FGD6: variants seen among roughly 807,000 people sequenced by gnomAD.
FGD6 encodes the protein FYVE, RhoGEF and PH domain-containing protein 6.
FGD6 carries 90 observed loss-of-function variants against 149.4 expected under a neutral mutation model. The observed-to-expected ratio is 0.60, with a 90% CI of 0.51 to 0.72. FGD6 has a LOEUF of 0.72. FGD6 is among the 30% of genes least tolerant of loss of function. FGD6 has a pLI of 0.00. For missense variants in FGD6, 1,437 were observed against 1,684.8 expected (o/e 0.85, Z 2.57); for synonymous variants, 527 against 584.0 (o/e 0.90, Z 1.41).
At chr12:95,191,621 T>C (rs892196717) in intron 2 of FGD6, among the ~76,000 whole-genome samples, 1 of 152,200 alleles carries the variant, frequency 6.6e-6, no homozygotes, top group African/African-American at 2.4e-5. Context: ...TGTCCCTGGG[T>C]ATCTGTGGGG....
intron 2 of FGD6, among the ~76,000 whole-genome samples, chr12:95,206,274 C>T (rs1254525034): frequency 6.6e-6 from 1 of 151,440 alleles, no homozygotes; most frequent in East Asian, 1.9e-4. Flanking sequence ...GTGAAGAAGC[C>T]AACCAAACTT....
intron 3 of FGD6, among the ~76,000 whole-genome samples, chr12:95,165,342 T>C (rs1026952591): frequency 1.3e-5 from 2 of 151,938 alleles, no homozygotes; most frequent in African/African-American, 2.4e-5. Context: ...TTTTCTTTTT[T>C]TTTTTTTTGA....
At chr12:95,206,261 A>G (rs2056692447) in intron 2 of FGD6, among the ~76,000 whole-genome samples, 2 of 152,270 alleles carry the variant, frequency 1.3e-5, no homozygotes, top group Admixed American at 1.3e-4. Flanking sequence ...ATAGTAGTAC[A>G]TTGTGAAGAA....
chr12:95,142,040 C>G (rs983015597), intron 5 of FGD6, among the ~76,000 whole-genome samples: 6 of 152,092 alleles, frequency 3.9e-5, no homozygotes, highest in African/African-American at 1.4e-4. Context: ...GGGTCTCCCT[C>G]TGTCATCCAG....
rs575678187 is a variant in FGD6, at chr12:95,137,486, A to C, written c.2994+36T>G. 183 of 1,439,204 alleles carry C rather than the reference A, an allele frequency of 1.3e-4. 1 individual carries two copies. In the South Asian group the frequency reaches 2.9e-3, roughly 23 times the overall value. The allele number at this position is 1,439,204 out of a possible 1,614,324, so 89.2% of individuals were successfully genotyped here. A position where few individuals can be genotyped will look rare whatever the true frequency, so the allele number is the denominator to read the frequency against. On this transcript the variant is annotated intron_variant, in intron 7 of 20. Transcript: ENST00000343958. ...TTATTAAAGCTTCAACAACAAAAAG[A>C]AAGAGAAGTGTTCAACATTAGATAG...
At chr12:95,107,852 A>C (rs1878680296) in intron 11 of FGD6, among the ~76,000 whole-genome samples, 1 of 152,106 alleles carries the variant, frequency 6.6e-6, no homozygotes, top group Non-Finnish European at 1.5e-5. Context: ...GGCCCCTGGG[A>C]TACTGTATGG....
At chr12:95,125,737 C>A in intron 8 of FGD6, 1 of 608,280 alleles carries the variant, frequency 1.6e-6, no homozygotes, top group East Asian at 2.8e-5. Context: ...AAAATGAATT[C>A]CTTCTCACCG....
chr12:95,088,496 A>G (rs1877948193), intron 18 of FGD6, among the ~76,000 whole-genome samples: 2 of 152,230 alleles, frequency 1.3e-5, no homozygotes, highest in Admixed American at 1.3e-4. Context: ...TATTTTAAAC[A>G]TTACTAGAAT....
chr12:95,185,139 G>T (rs1881392988), intron 2 of FGD6, among the ~76,000 whole-genome samples: 1 of 152,196 alleles, frequency 6.6e-6, no homozygotes, highest in South Asian at 2.1e-4. Flanking sequence ...CTCCCAAAGT[G>T]CTGGGATTAT....
intron 11 of FGD6, among the ~76,000 whole-genome samples, 154 bp downstream of exon 11, chr12:95,108,194 A>G (rs1878694686): frequency 6.6e-6 from 1 of 152,210 alleles, no homozygotes; most frequent in Non-Finnish European, 1.5e-5. Context: ...TGTCACAGTG[A>G]CTTACATCAT....
intron 9 of FGD6, among the ~76,000 whole-genome samples, chr12:95,110,277 G>GTAT (rs1173991662): frequency 6.7e-6 from 1 of 150,318 alleles, no homozygotes; most frequent in Admixed American, 6.6e-5. Flanking sequence ...CACCCGGCCT[G>GTAT]TATTCTTTCC....
At chr12:95,179,500 C>T (rs1488512064) in intron 2 of FGD6, among the ~76,000 whole-genome samples, 1 of 151,316 alleles carries the variant, frequency 6.6e-6, no homozygotes, top group African/African-American at 2.4e-5. Context: ...AAGACCTTGT[C>T]TCATAAATAA....
At chr12:95,106,024 A>G (rs1448636945) in intron 13 of FGD6, among the ~76,000 whole-genome samples, 1 of 152,168 alleles carries the variant, frequency 6.6e-6, no homozygotes, top group Non-Finnish European at 1.5e-5. Flanking sequence ...AAACAAAACA[A>G]AACAAAACAA....
chr12:95,142,246 A>G (rs1325310179), intron 5 of FGD6, among the ~76,000 whole-genome samples: 1 of 150,138 alleles, frequency 6.7e-6, no homozygotes, highest in Non-Finnish European at 1.5e-5. Context: ...GGTTCAAGCT[A>G]TTCTCCTGCC....
At chr12:95,093,982 A>C (rs1878154861) in intron 15 of FGD6, among the ~76,000 whole-genome samples, 1 of 151,582 alleles carries the variant, frequency 6.6e-6, no homozygotes, top group African/African-American at 2.4e-5. Flanking sequence ...CAACATGGTG[A>C]AACCCCATCT....
chr12:95,152,972 T>G lies in FGD6; in HGVS notation c.2608A>C (p.Ser870Arg). 1 of 1,613,986 alleles carries G rather than the reference T, an allele frequency of 6.2e-7. No individual in the cohort carries two copies. Among genetic ancestry groups the G allele is most frequent in the Non-Finnish European group, 8.5e-7 (1 of 1,179,932 alleles). Residue 870 changes from serine (S) to arginine (R), a missense_variant, in exon 4 of 21, where the codon AGT (serine) becomes CGT (arginine). Ser to Arg is a moderately radical substitution (Grantham distance 110, BLOSUM62 -1). Around this residue, in one of 2 missense-constraint regions of FGD6, gnomAD observed 1,055 missense variants for 1,146.0 expected, o/e 0.92. Transcript: ENST00000343958. ...TCCTTGGCAATATGATGAACTTTAC[T>G]TTTCATTCCATTATCTTCATCCTGT... ...DKQDEDNGMK[S>R]KVHHIAKEIM...
chr12:95,107,095 T>C, intron 12 of FGD6, 58 bp from the exon 13 acceptor site: 1 of 1,252,194 alleles, frequency 8.0e-7, no homozygotes, highest in Non-Finnish European at 1.2e-6. Context: ...GCCACAAAGA[T>C]TTTGACAAGA....
rs903985375 is a variant in FGD6, at chr12:95,080,326, T to C, written c.*1194A>G. The C allele has an allele frequency of 6.6e-6, 1 of 152,216 alleles. No homozygotes were observed. Among genetic ancestry groups the C allele is most frequent in the African/African-American group, 2.4e-5 (1 of 41,458 alleles). The allele number at this position is 152,216 out of a possible 1,614,324, so 9.4% of individuals were successfully genotyped here. On this transcript the variant is annotated 3_prime_UTR_variant, in exon 21 of 21. Transcript: ENST00000343958. ...ACATCAGGGATGGCTTTTATCACAG[T>C]GTTATTTCATTTTCTTCTGCTAATC...
intron 2 of FGD6, 86 bp downstream of exon 2, chr12:95,208,757 T>TA: frequency 6.8e-7 from 1 of 1,464,300 alleles, no homozygotes; most frequent in East Asian, 2.3e-5. Context: ...CCACGTGTTT[T>TA]TTTTCCCCCT....
Sources: gnomAD v4.1 joint callset for allele counts (sites outside exome capture counted in the v4.1 genomes callset) on GRCh38, gnomAD v4.1.1 for gene constraint, gnomAD v4.1.1 regional missense constraint, MANE v1.5 for transcripts, NCBI Gene and HGNC (gene_info 2026-07-23, HGNC 2026-07-21) for gene names.